The following CDH12 variants were observed in gnomAD, a reference collection of about 807,000 sequenced individuals.
CDH12 encodes the protein cadherin 12, also known as cadherin-12.
A neutral mutation model predicts 74.1 loss-of-function variants in CDH12; 41 were observed. The ratio of observed to expected loss-of-function variants is 0.55; its 90% CI spans 0.43 to 0.72. The LOEUF is 0.72. Ranked by LOEUF, CDH12 falls within the 30% of genes least tolerant of loss-of-function variation. The probability of loss-of-function intolerance (pLI) is 0.00; values close to 1 mark genes in which losing one functional copy is unlikely to be tolerated. For missense variants in CDH12, 945 were observed against 977.2 expected (o/e 0.97, Z 0.44); for synonymous variants, 399 against 355.0 (o/e 1.12, Z -1.39).
intron 14 of CDH12, among the ~76,000 whole-genome samples, chr5:21,753,283 G>T (rs552510535): frequency 6.6e-6 from 1 of 152,172 alleles, no homozygotes; most frequent in Non-Finnish European, 1.5e-5. Context: ...ATTAGAGATG[G>T]ACCAGTTGGA....
Position 21,755,831 on chromosome 5 carries a change from C to T in CDH12, c.1645G>A (p.Gly549Arg). 1 of 1,613,998 alleles carries T rather than the reference C, an allele frequency of 6.2e-7. No individual in the cohort carries two copies. Among genetic ancestry groups the T allele is most frequent in the South Asian group, 1.1e-5 (1 of 91,062 alleles). ...TVRDFRNNTAGIETRRNGYSR... is the reference protein window; with the variant it reads ...TVRDFRNNTARIETRRNGYSR... ...TATCCATTTCTTCGGGTTTCAATCCCCGCTGTGTTGTCTACAAAACATGAC... is the reference window on the plus strand; with the variant it reads ...TATCCATTTCTTCGGGTTTCAATCCTCGCTGTGTTGTCTACAAAACATGAC... Residue 549 changes from glycine to arginine, a missense_variant, in exon 14 of 15, where the codon GGG becomes AGG. Physicochemically the swap from Gly to Arg is moderately radical, Grantham distance 125 (BLOSUM62 -2). Around this residue, in one of 3 missense-constraint regions of CDH12, gnomAD observed 791 missense variants for 792.8 expected, o/e 1.00. Transcript: ENST00000382254.
chr5:22,411,070 G>A (rs1226665336), intron 2 of CDH12, among the ~76,000 whole-genome samples: 1 of 151,922 alleles, frequency 6.6e-6, no homozygotes, highest in African/African-American at 2.4e-5. Flanking sequence ...ACCTCTGATT[G>A]TAAAGTATGT....
At chr5:22,066,808 A>G (rs1237838523) in intron 5 of CDH12, among the ~76,000 whole-genome samples, 1 of 151,934 alleles carries the variant, frequency 6.6e-6, no homozygotes, top group Non-Finnish European at 1.5e-5. Context: ...TCCTTATTCT[A>G]CTCTCCTATT....
chr5:22,005,945 C>T (rs1442455329), intron 5 of CDH12, among the ~76,000 whole-genome samples: 1 of 151,880 alleles, frequency 6.6e-6, no homozygotes, highest in Non-Finnish European at 1.5e-5. Context: ...TATAGGTCAC[C>T]TTTGTGCTCA....
intron 3 of CDH12, among the ~76,000 whole-genome samples, chr5:22,242,351 T>C (rs57883263): frequency 0.025 from 3,796 of 152,342 alleles, 64 homozygotes; most frequent in South Asian, 0.094. Flanking sequence ...ATGACACTTC[T>C]ATATTTTTCG....
At chr5:22,371,105 A>G (rs1466998921) in intron 3 of CDH12, among the ~76,000 whole-genome samples, 1 of 152,164 alleles carries the variant, frequency 6.6e-6, no homozygotes, top group African/African-American at 2.4e-5. Flanking sequence ...AATTAATAAT[A>G]AGGAAGAAAA....
At chr5:21,980,149 A>G (rs982147108) in intron 5 of CDH12, among the ~76,000 whole-genome samples, 1 of 79,502 alleles carries the variant, frequency 1.3e-5, no homozygotes, top group Non-Finnish European at 2.1e-5. Context: ...AAAGTATAAT[A>G]AAAAAAAAAA....
At chr5:22,141,816 A>C (rs1435471437) in intron 4 of CDH12, among the ~76,000 whole-genome samples, 2 of 152,234 alleles carry the variant, frequency 1.3e-5, no homozygotes, top group Non-Finnish European at 2.9e-5. Flanking sequence ...GTTAACACTC[A>C]TAATGCATTG....
chr5:22,024,651 TACAGGC>T (rs2150165367), intron 5 of CDH12, among the ~76,000 whole-genome samples: 1 of 152,228 alleles, frequency 6.6e-6, no homozygotes, highest in East Asian at 1.9e-4. Context: ...TAGCTGGGAT[TACAGGC>T]ACATGCTACC....
intron 1 of CDH12, among the ~76,000 whole-genome samples, chr5:22,552,760 G>A (rs1738630188): frequency 6.6e-6 from 1 of 151,952 alleles, no homozygotes; most frequent in Non-Finnish European, 1.5e-5. Flanking sequence ...ATTTTATACA[G>A]GTATGATGAG....
At chr5:22,626,691 T>C (rs998339714) in intron 1 of CDH12, among the ~76,000 whole-genome samples, 1 of 152,170 alleles carries the variant, frequency 6.6e-6, no homozygotes, top group Non-Finnish European at 1.5e-5. Context: ...AGCCAGAATG[T>C]CTTCTTACCT....
At chr5:22,538,629 A>G (rs1737969009) in intron 1 of CDH12, among the ~76,000 whole-genome samples, 1 of 152,214 alleles carries the variant, frequency 6.6e-6, no homozygotes, top group Non-Finnish European at 1.5e-5. Flanking sequence ...AAGAACCACT[A>G]GCCCAGTTTA....
At chr5:21,909,791 TTAAC>T (rs1314188075) in intron 6 of CDH12, among the ~76,000 whole-genome samples, 5 of 152,138 alleles carry the variant, frequency 3.3e-5, no homozygotes, top group African/African-American at 4.8e-5. Context: ...GAAGGACAAT[TTAAC>T]TATATGAAAA....
intron 3 of CDH12, among the ~76,000 whole-genome samples, chr5:22,371,770 C>T (rs17331618): frequency 0.42 from 63,903 of 151,816 alleles, 14,764 homozygotes; most frequent in Non-Finnish European, 0.52. Context: ...AATCAAGGTA[C>T]CCTCAAAGGA....
At chr5:22,066,652 A>G (rs1198861044) in intron 5 of CDH12, among the ~76,000 whole-genome samples, 1 of 152,204 alleles carries the variant, frequency 6.6e-6, no homozygotes, top group Non-Finnish European at 1.5e-5. Context: ...GAGGACTGTA[A>G]TTGAGGGAAA....
intron 12 of CDH12, among the ~76,000 whole-genome samples, chr5:21,761,379 T>C (rs1744708890): frequency 6.6e-6 from 1 of 152,142 alleles, no homozygotes; most frequent in Non-Finnish European, 1.5e-5. Flanking sequence ...TTACAATCCA[T>C]TAAATAGATA....
rs1274175295 is a variant in CDH12, at chr5:22,465,944, T to C, written c.-428+39326A>G. 2.0e-5 allele frequency among the ~76,000 whole-genome samples: 3 copies of C among 152,322 alleles called. No homozygotes were observed. The East Asian group carries it at 5.8e-4, about 29-fold the overall frequency. ...TGAGGCAAAGCAGATTAATGTGTTCTCTTACTCTACCCCACCAACACTTTC... is the reference window on the plus strand; with the variant it reads ...TGAGGCAAAGCAGATTAATGTGTTCCCTTACTCTACCCCACCAACACTTTC... On this transcript the variant is annotated intron_variant, in intron 2 of 14. Transcript: ENST00000382254.
chr5:22,844,519 T>C (rs769283375), intron 1 of CDH12, among the ~76,000 whole-genome samples: 2 of 152,142 alleles, frequency 1.3e-5, no homozygotes, highest in Non-Finnish European at 2.9e-5. Context: ...TACAAAATTG[T>C]AGGCACACTG....
At chr5:22,020,072 T>C (rs768926482) in intron 5 of CDH12, among the ~76,000 whole-genome samples, 13 of 152,096 alleles carry the variant, frequency 8.5e-5, no homozygotes, top group Non-Finnish European at 1.9e-4. Context: ...AAGTGCTAAG[T>C]AGTTTGATCT....
Sources: gnomAD v4.1 joint callset for allele counts (sites outside exome capture counted in the v4.1 genomes callset) on GRCh38, gnomAD v4.1.1 for gene constraint, gnomAD v4.1.1 regional missense constraint, MANE v1.5 for transcripts, NCBI Gene and HGNC (gene_info 2026-07-23, HGNC 2026-07-21) for gene names.